OR7E24: variants seen among roughly 807,000 people sequenced by gnomAD.
OR7E24 encodes olfactory receptor family 7 subfamily E member 24.
For missense variants in OR7E24, 385 were observed against 410.3 expected, an observed-to-expected ratio of 0.94 and a Z score of 0.53; for synonymous variants, 130 against 157.5, an observed-to-expected ratio of 0.83 and a Z score of 1.31.
chr19:9,235,508 G>A, the OR7E24 span: 22 of 1,579,488 alleles, frequency 1.4e-5, no homozygotes, highest in Admixed American at 5.0e-5. Context: ...GCCTATGACC[G>A]GTTTGTGGCC....
chr19:9,238,282 C>CA, the OR7E24 span, among the ~76,000 whole-genome samples: 3 of 150,946 alleles, frequency 2.0e-5, no homozygotes, highest in Admixed American at 6.6e-5. Flanking sequence ...GACTCTGTCT[C>CA]AAAAAAACAA....
the OR7E24 span, among the ~76,000 whole-genome samples, chr19:9,237,918 G>A: frequency 6.6e-6 from 1 of 152,192 alleles, no homozygotes; most frequent in South Asian, 2.1e-4. Flanking sequence ...CTGGCACATT[G>A]AACATTTCCA....
the OR7E24 span, chr19:9,214,590 A>G: frequency 6.2e-6 from 10 of 1,613,922 alleles, no homozygotes; most frequent in Non-Finnish European, 8.5e-6. Flanking sequence ...CTGGATGCTC[A>G]CTAGCATCTT....
chr19:9,212,449 G>T, the OR7E24 span: 1 of 152,128 alleles, frequency 6.6e-6, no homozygotes, highest in Admixed American at 6.6e-5. Flanking sequence ...AGTGAAAAAT[G>T]ATAATATCTT....
At chr19:9,225,825 A>G in the OR7E24 span, among the ~76,000 whole-genome samples, 1 of 152,204 alleles carries the variant, frequency 6.6e-6, no homozygotes, top group Non-Finnish European at 1.5e-5. Context: ...GTGTAGCCAT[A>G]TGGCAGCCTG....
upstream of OR7E24, chr19:9,247,255 C>G: frequency 7.8e-6 from 3 of 382,210 alleles, no homozygotes; most frequent in Non-Finnish European, 1.4e-5. Context: ...GGAACATGGA[C>G]CAGTTTGGCT....
the OR7E24 span, among the ~76,000 whole-genome samples, chr19:9,222,169 T>C: frequency 6.6e-6 from 1 of 152,226 alleles, no homozygotes; most frequent in Non-Finnish European, 1.5e-5. Flanking sequence ...TTTGTTCAGT[T>C]GGTCTATGTA....
At chr19:9,247,012 T>C (rs951008462), upstream of OR7E24, among the ~76,000 whole-genome samples, 2 of 152,214 alleles carry the variant, frequency 1.3e-5, no homozygotes, top group African/African-American at 4.8e-5. Context: ...AATGTTGTAT[T>C]TACCATTTTA....
chr19:9,240,242 T>C, the OR7E24 span, among the ~76,000 whole-genome samples: 1 of 152,200 alleles, frequency 6.6e-6, no homozygotes, highest in Non-Finnish European at 1.5e-5. Flanking sequence ...TTGTTTCTTT[T>C]GCTGTGTGGG....
chr19:9,233,507 C>T, the OR7E24 span, among the ~76,000 whole-genome samples: 1 of 152,182 alleles, frequency 6.6e-6, no homozygotes, highest in Admixed American at 6.5e-5. Context: ...TTGTTTCCTC[C>T]TCTTATATAT....
chr19:9,235,436 T>G, the OR7E24 span: 1 of 1,606,162 alleles, frequency 6.2e-7, no homozygotes, highest in Non-Finnish European at 8.5e-7. Context: ...ATGGGGTGCC[T>G]CACTCAGGTG....
the OR7E24 span, among the ~76,000 whole-genome samples, chr19:9,229,561 A>C: frequency 6.1e-4 from 93 of 152,104 alleles, no homozygotes; most frequent in African/African-American, 2.1e-3. Flanking sequence ...AAAGAAAAGA[A>C]AAAAAGAAAT....
chr19:9,235,019 GGCTAC>G, the OR7E24 span: 1 of 540,174 alleles, frequency 1.9e-6, no homozygotes, highest in Non-Finnish European at 3.3e-6. Context: ...AATGGAATTA[GGCTAC>G]CAAATGGCTG....
chr19:9,230,744 C>G, the OR7E24 span, among the ~76,000 whole-genome samples: 1 of 152,210 alleles, frequency 6.6e-6, no homozygotes, highest in Non-Finnish European at 1.5e-5. Flanking sequence ...TCAGTGTCCA[C>G]AGTGCCATGT....
At position 9,251,956 on chromosome 19, in the gene OR7E24, C is replaced by T; in HGVS notation, c.913C>T (p.Pro305Ser). Residue 305 changes from proline to serine, a missense_variant, in exon 1 of 1, where the codon CCC (proline) becomes TCC (serine). Physicochemically the swap from Pro to Ser is moderately conservative, Grantham distance 74 (BLOSUM62 -1). Transcript: ENST00000456448. ...MYTVVTPMLN[P>S]FIYSLRNKDI... The stretch of plus-strand genomic sequence containing the variant: ...CACTGTGGTCACCCCCATGCTGAAC[C>T]CCTTCATCTACAGCCTGAGGAACAA... The T allele has an allele frequency of 6.2e-7, 1 of 1,614,086 alleles. No individual in the cohort carries two copies. Among genetic ancestry groups the T allele is most frequent in the Non-Finnish European group, 8.5e-7 (1 of 1,179,984 alleles).
At chr19:9,217,259 A>G in the OR7E24 span, among the ~76,000 whole-genome samples, 4 of 152,224 alleles carry the variant, frequency 2.6e-5, no homozygotes, top group East Asian at 7.7e-4. Flanking sequence ...AGGGCAATGA[A>G]TTGCCAAGAA....
chr19:9,232,510 C>G, the OR7E24 span, among the ~76,000 whole-genome samples: 609 of 143,688 alleles, frequency 4.2e-3, 4 homozygotes, highest in African/African-American at 0.016. Flanking sequence ...TGCACTGCAG[C>G]CTGGGCAGCA....
At chr19:9,233,706 C>T in the OR7E24 span, among the ~76,000 whole-genome samples, 2 of 152,166 alleles carry the variant, frequency 1.3e-5, no homozygotes, top group Non-Finnish European at 2.9e-5. Context: ...AGAAATGACA[C>T]TCATGCAAGG....
At chr19:9,237,438 G>A in the OR7E24 span, among the ~76,000 whole-genome samples, 2 of 152,012 alleles carry the variant, frequency 1.3e-5, no homozygotes, top group Non-Finnish European at 2.9e-5. Context: ...AGCCTCCTGA[G>A]TAGCTGGGAC....
Sources: allele counts gnomAD v4.1 joint callset (sites outside exome capture counted in the v4.1 genomes callset), GRCh38; gene constraint gnomAD v4.1.1; transcripts MANE v1.5; gene names NCBI Gene and HGNC (gene_info 2026-07-23, HGNC 2026-07-21).